The following RSRC1 variants were observed in gnomAD, a reference collection of about 807,000 sequenced individuals.
RSRC1 encodes arginine and serine rich coiled-coil 1.
RSRC1 carries 39 observed loss-of-function variants against 49.1 expected under a neutral mutation model. The ratio of observed to expected loss-of-function variants is 0.79; its 90% CI spans 0.61 to 1.04. RSRC1 has a LOEUF of 1.04. RSRC1 is among the 50% of genes least tolerant of loss of function. The pLI is 0.00. For synonymous variants in RSRC1, 143 were observed against 130.8 expected (o/e 1.09, Z -0.63); for missense variants, 388 against 402.4 (o/e 0.96, Z 0.31).
rs921121806 is a variant in RSRC1, at chr3:158,530,976, A to G, written c.653-6116A>G. Among the ~76,000 whole-genome samples the G allele has an allele frequency of 2.0e-5, 3 of 149,366 alleles. No homozygotes were observed. The East Asian group carries it at 5.8e-4, about 29-fold the overall frequency. On this transcript the variant is annotated intron_variant, in intron 7 of 9. Transcript: ENST00000611884. The stretch of plus-strand genomic sequence containing the variant: ...ACCACTGAAAGACATTTAATTTTTT[A>G]AGTTACAAAAACTTTTTATAATTTG...
intron 4 of RSRC1, among the ~76,000 whole-genome samples, chr3:158,239,560 A>G (rs1723446275): frequency 7.6e-6 from 1 of 132,204 alleles, no homozygotes; most frequent in Non-Finnish European, 1.6e-5. Flanking sequence ...AACATCACAC[A>G]CCGGGGCCTG....
intron 6 of RSRC1, among the ~76,000 whole-genome samples, chr3:158,367,654 C>G (rs1731846169): frequency 6.6e-6 from 1 of 152,114 alleles, no homozygotes; most frequent in Non-Finnish European, 1.5e-5. Flanking sequence ...ATGCTGGCCT[C>G]ATAAAATGAG....
intron 3 of RSRC1, among the ~76,000 whole-genome samples, chr3:158,153,571 G>T (rs1224952967): frequency 6.6e-6 from 1 of 152,180 alleles, no homozygotes; most frequent in East Asian, 1.9e-4. Flanking sequence ...CATGATTTCA[G>T]AAAGCACTGT....
At chr3:158,178,560 C>G (rs943373649) in intron 3 of RSRC1, among the ~76,000 whole-genome samples, 7 of 152,102 alleles carry the variant, frequency 4.6e-5, no homozygotes, top group Non-Finnish European at 8.8e-5. Flanking sequence ...TGTTTATTTT[C>G]TCTTGTTAAT....
intron 3 of RSRC1, among the ~76,000 whole-genome samples, chr3:158,149,350 T>G (rs569508548): frequency 6.6e-6 from 1 of 152,158 alleles, no homozygotes; most frequent in African/African-American, 2.4e-5. Flanking sequence ...ATAATTCTTA[T>G]ATGGGATGAG....
chr3:158,137,918 G>C (rs965937886), intron 3 of RSRC1, among the ~76,000 whole-genome samples: 6 of 152,154 alleles, frequency 3.9e-5, no homozygotes, highest in South Asian at 2.1e-4. Context: ...GCCCGCCTCA[G>C]CCTCCCAAAA....
intron 3 of RSRC1, among the ~76,000 whole-genome samples, chr3:158,166,790 A>G (rs1055297970): frequency 1.1e-4 from 16 of 152,334 alleles, no homozygotes; most frequent in African/African-American, 3.6e-4. Flanking sequence ...CTCTGCTAGA[A>G]TTATGAACTT....
chr3:158,457,493 G>GA (rs763437517), intron 6 of RSRC1, among the ~76,000 whole-genome samples: 2 of 151,942 alleles, frequency 1.3e-5, no homozygotes, highest in African/African-American at 2.4e-5. Flanking sequence ...GAAGTAATTG[G>GA]AAAAAAACAG....
intron 6 of RSRC1, among the ~76,000 whole-genome samples, chr3:158,450,117 C>T (rs1312968647): frequency 1.3e-5 from 2 of 151,914 alleles, no homozygotes; most frequent in Non-Finnish European, 2.9e-5. Context: ...TTCATCTTTC[C>T]ATCCTCAGCA....
At chr3:158,523,640 G>T (rs985894037) in intron 7 of RSRC1, among the ~76,000 whole-genome samples, 1 of 151,928 alleles carries the variant, frequency 6.6e-6, no homozygotes, top group Non-Finnish European at 1.5e-5. Flanking sequence ...AACTGAAGAC[G>T]AATGGGTGCC....
At chr3:158,183,069 C>A (rs767055950) in intron 3 of RSRC1, among the ~76,000 whole-genome samples, 5 of 151,874 alleles carry the variant, frequency 3.3e-5, no homozygotes, top group Non-Finnish European at 7.4e-5. Context: ...ATTTCCCTTC[C>A]CCTTTCTAAT....
chr3:158,474,518 A>C (rs1738283640), intron 7 of RSRC1, among the ~76,000 whole-genome samples: 3 of 152,184 alleles, frequency 2.0e-5, no homozygotes, highest in Admixed American at 2.0e-4. Context: ...TAAATAAGAC[A>C]ACAATGAAGT....
chr3:158,305,293 T>C (rs1055250552), intron 5 of RSRC1, among the ~76,000 whole-genome samples: 61 of 152,040 alleles, frequency 4.0e-4, no homozygotes, highest in Non-Finnish European at 7.4e-4. Flanking sequence ...TTTCATGATA[T>C]TGTTGATAGT....
intron 6 of RSRC1, among the ~76,000 whole-genome samples, chr3:158,404,063 T>A (rs1734028233): frequency 1.3e-5 from 2 of 151,842 alleles, no homozygotes; most frequent in South Asian, 4.1e-4. Flanking sequence ...TAAAGACAAA[T>A]CCATTATAGT....
chr3:158,303,564 T>C (rs1399099639), intron 5 of RSRC1: 3 of 152,102 alleles, frequency 2.0e-5, no homozygotes, highest in Non-Finnish European at 4.4e-5. Flanking sequence ...TTCAACAAGC[T>C]CCTAAGCAAG....
chr3:158,292,760 T>C (rs1727012086), intron 4 of RSRC1, among the ~76,000 whole-genome samples: 1 of 152,194 alleles, frequency 6.6e-6, no homozygotes, highest in Non-Finnish European at 1.5e-5. Context: ...ATATCCTCCA[T>C]CATAATAACA....
chr3:158,287,919 G>A (rs966158899), intron 4 of RSRC1, among the ~76,000 whole-genome samples: 1 of 152,114 alleles, frequency 6.6e-6, no homozygotes, highest in African/African-American at 2.4e-5. Context: ...TAGCCCATAT[G>A]GCAACTTTGT....
intron 6 of RSRC1, among the ~76,000 whole-genome samples, chr3:158,382,970 C>T: frequency 6.6e-6 from 1 of 152,092 alleles, no homozygotes; most frequent in Non-Finnish European, 1.5e-5. Context: ...GATTTTGATG[C>T]CTTATTTACA....
At chr3:158,281,546 G>C (rs978890132) in intron 4 of RSRC1, among the ~76,000 whole-genome samples, 2 of 152,108 alleles carry the variant, frequency 1.3e-5, no homozygotes, top group African/African-American at 4.8e-5. Flanking sequence ...CTAGAGAGAA[G>C]AGCATGGAAC....
Sources: gnomAD v4.1 joint callset for allele counts (sites outside exome capture counted in the v4.1 genomes callset) on GRCh38, gnomAD v4.1.1 for gene constraint, MANE v1.5 for transcripts, NCBI Gene and HGNC (gene_info 2026-07-23, HGNC 2026-07-21) for gene names.